TRIM61: variants seen among roughly 807,000 people sequenced by gnomAD.
The protein encoded by TRIM61 is tripartite motif containing 61.
TRIM61 carries 1 observed loss-of-function variant against 14.2 expected under a neutral mutation model. The observed-to-expected ratio is 0.07, with a 90% CI of 0.03 to 0.33. TRIM61 has a LOEUF of 0.33. Among genes scored for constraint, TRIM61 ranks in the 10% least tolerant of loss-of-function variants. TRIM61 has a pLI of 0.99. For missense variants in TRIM61, 19 were observed against 202.2 expected (o/e 0.09, Z 5.49); for synonymous variants, 8 against 71.6 (o/e 0.11, Z 4.49).
chr4:164,956,888 G>A, intron 3 of TRIM61: 1 of 878,682 alleles, frequency 1.1e-6, no homozygotes, highest in South Asian at 1.8e-5. Context: ...GGCTGGGCGA[G>A]TCCGTAGCGG....
chr4:164,955,984 A>C (rs1731979601), intron 3 of TRIM61, among the ~76,000 whole-genome samples: 1 of 152,260 alleles, frequency 6.6e-6, no homozygotes, highest in Non-Finnish European at 1.5e-5. Context: ...GGCGGCTCAA[A>C]GAAAAGAGTA....
At chr4:164,961,559 AT>A (rs1560883713) in intron 3 of TRIM61, among the ~76,000 whole-genome samples, 2 of 151,950 alleles carry the variant, frequency 1.3e-5, no homozygotes, top group Non-Finnish European at 2.9e-5. Context: ...ATAAATAAAA[AT>A]TAAAAAATAA....
At chr4:164,957,811 G>A (rs149701959) in intron 3 of TRIM61, 1 of 242,294 alleles carries the variant, frequency 4.1e-6, no homozygotes, top group African/African-American at 2.3e-5. Flanking sequence ...AAGTGAGATA[G>A]CAGAGTAAAC....
chr4:164,972,906 G>C (rs1475463230), intron 2 of TRIM61, among the ~76,000 whole-genome samples: 2 of 152,124 alleles, frequency 1.3e-5, no homozygotes, highest in African/African-American at 4.8e-5. Context: ...TCAGGACAAA[G>C]TTTTTCACCC....
At chr4:164,961,832 T>G (rs1156570946) in intron 3 of TRIM61, among the ~76,000 whole-genome samples, 1 of 152,340 alleles carries the variant, frequency 6.6e-6, no homozygotes, top group Admixed American at 6.5e-5. Context: ...ACGTTAACTA[T>G]AGGAATATGG....
chr4:164,957,932 T>G (rs564557424), intron 3 of TRIM61: 1 of 170,900 alleles, frequency 5.9e-6, no homozygotes, highest in African/African-American at 2.4e-5. Context: ...ATTCTAGACT[T>G]CTGCCACAAC....
chr4:164,955,386 C>A (rs1412810325), intron 3 of TRIM61, among the ~76,000 whole-genome samples: 1 of 151,848 alleles, frequency 6.6e-6, no homozygotes, highest in Non-Finnish European at 1.5e-5. Context: ...GAGTTCTGTG[C>A]CACACCAAAT....
rs762554625 is a variant in TRIM61, at chr4:164,961,153, CAAAAAAAAAAAAAAAAAAAAAAAAAA to C, written c.526-6083_526-6058del. On this transcript the variant is annotated intron_variant, in intron 3 of 4. Coordinates refer to ENST00000329314, the MANE Select transcript of TRIM61 (RefSeq NM_001012414.3). ...ATGACAGAAAATAAGAACTCTCAGG[CAAAAAAAAAAAAAAAAAAAAAAAAAA>C]AAAAAAAAAAAAAAGAAAGAAAAAT... is the stretch of plus-strand genomic sequence containing the variant. 1.1e-3 allele frequency among the ~76,000 whole-genome samples: 35 copies of C among 31,724 alleles called. 1 individual carries two copies. The highest frequency in any genetic ancestry group is 7.3e-3 in the South Asian group (8 of 1,100). 20.8% of individuals were successfully genotyped at this position (31,724 alleles called of 152,430 possible).
intron 3 of TRIM61, chr4:164,956,886 G>C (rs780698507): frequency 3.5e-6 from 3 of 850,240 alleles, no homozygotes; most frequent in Non-Finnish European, 5.3e-6. Context: ...GAGGCTGGGC[G>C]AGTCCGTAGC....
chr4:164,971,837 AT>A (rs956977266), intron 2 of TRIM61, among the ~76,000 whole-genome samples: 1 of 151,864 alleles, frequency 6.6e-6, no homozygotes, highest in African/African-American at 2.4e-5. Flanking sequence ...TCAATACAGT[AT>A]TTTTTCCCCT....
At chr4:164,974,669 C>G (rs1292781670) in intron 2 of TRIM61, among the ~76,000 whole-genome samples, 1 of 151,928 alleles carries the variant, frequency 6.6e-6, no homozygotes, top group Non-Finnish European at 1.5e-5. Flanking sequence ...CGCTTGAGCC[C>G]AAGAGTTCAA....
At chr4:164,957,033 G>T (rs554834443) in intron 3 of TRIM61, 13 of 1,510,362 alleles carry the variant, frequency 8.6e-6, no homozygotes, top group South Asian at 2.6e-5. Context: ...ATGGAAGGAT[G>T]CGCGGTGCGG....
chr4:164,977,436 GA>G (rs1238068327), intron 1 of TRIM61, 94 bp downstream of exon 1: 3 of 152,308 alleles, frequency 2.0e-5, no homozygotes, highest in African/African-American at 7.2e-5. Flanking sequence ...CAGCGACCCG[GA>G]GGTTTAGGCA....
intron 3 of TRIM61, among the ~76,000 whole-genome samples, chr4:164,955,737 CTG>C (rs1461277020): frequency 1.3e-5 from 2 of 152,130 alleles, no homozygotes; most frequent in Admixed American, 6.5e-5. Flanking sequence ...CTCAGGTAAT[CTG>C]AGACCAGGCC....
At chr4:164,968,580 T>C (rs560548986) in intron 3 of TRIM61, 2 of 985,804 alleles carry the variant, frequency 2.0e-6, no homozygotes, top group African/African-American at 3.5e-5. Flanking sequence ...CTGAGTCTTC[T>C]AATAATTCAT....
intron 3 of TRIM61, chr4:164,957,725 T>C (rs915392588): frequency 9.0e-5 from 50 of 552,582 alleles, no homozygotes; most frequent in Admixed American, 4.5e-4. Context: ...CCTGAAAATA[T>C]AAAGAATAGG....
chr4:164,957,041 C>T (rs1242710016), intron 3 of TRIM61: 3 of 1,498,814 alleles, frequency 2.0e-6, no homozygotes, highest in Non-Finnish European at 1.8e-6. Context: ...ATGCGCGGTG[C>T]GGCGGGGCAG....
At chr4:164,966,655 G>A (rs1732249709) in intron 3 of TRIM61, among the ~76,000 whole-genome samples, 1 of 152,190 alleles carries the variant, frequency 6.6e-6, no homozygotes, top group Non-Finnish European at 1.5e-5. Context: ...GTTCATGTCT[G>A]TAATTCCAGC....
intron 3 of TRIM61, among the ~76,000 whole-genome samples, chr4:164,966,157 T>C (rs1325438025): frequency 6.6e-6 from 1 of 151,926 alleles, no homozygotes; most frequent in Non-Finnish European, 1.5e-5. Context: ...TTCAGAAAAC[T>C]AGACAACTGC....
Sources: allele counts gnomAD v4.1 joint callset (sites outside exome capture counted in the v4.1 genomes callset), GRCh38; gene constraint gnomAD v4.1.1; transcripts MANE v1.5; gene names NCBI Gene and HGNC (gene_info 2026-07-23, HGNC 2026-07-21).